The following PACRG variants were observed in gnomAD, a reference collection of about 807,000 sequenced individuals.
PACRG encodes the protein parkin coregulated, also known as parkin coregulated gene protein.
PACRG carries 29 observed loss-of-function variants against 29.7 expected under a neutral mutation model. That is an observed-to-expected ratio of 0.98 (90% CI 0.73 to 1.33). The LOEUF is 1.33. PACRG is among the 40% of genes most tolerant of loss of function. The pLI, the probability that PACRG is intolerant of heterozygous loss-of-function variation, is 0.00. For synonymous variants in PACRG, 116 were observed against 118.7 expected (o/e 0.98, Z 0.15); for missense variants, 279 against 316.2 (o/e 0.88, Z 0.89).
At chr6:163,160,505 C>A (rs1320207459) in intron 4 of PACRG, among the ~76,000 whole-genome samples, 5 of 152,136 alleles carry the variant, frequency 3.3e-5, no homozygotes, top group Non-Finnish European at 7.3e-5. Context: ...TCTAGGTGAA[C>A]AATTACTTTC....
chr6:162,966,525 G>A (rs1801037433), intron 2 of PACRG, among the ~76,000 whole-genome samples: 1 of 149,850 alleles, frequency 6.7e-6, no homozygotes, highest in South Asian at 2.1e-4. Flanking sequence ...TGCCCAGGCT[G>A]GAGTGCAGTG....
intron 2 of PACRG, among the ~76,000 whole-genome samples, chr6:162,819,488 C>T (rs1051463926): frequency 3.9e-5 from 6 of 152,108 alleles, no homozygotes; most frequent in Non-Finnish European, 4.4e-5. Context: ...ACTATAAAGT[C>T]AGCAAAAATA....
At chr6:162,965,828 CTCT>C (rs1010711361) in intron 2 of PACRG, among the ~76,000 whole-genome samples, 6 of 152,186 alleles carry the variant, frequency 3.9e-5, no homozygotes, top group Non-Finnish European at 5.9e-5. Context: ...ACCCACTGAC[CTCT>C]TCTTCTCATT....
At chr6:163,144,184 GCACCA>G (rs1777684462) in intron 4 of PACRG, among the ~76,000 whole-genome samples, 1 of 136,778 alleles carries the variant, frequency 7.3e-6, no homozygotes, top group East Asian at 2.3e-4. Context: ...AACCGAGATC[GCACCA>G]CTGCACTTCA....
At chr6:162,747,368 A>G (rs1218834910) in intron 1 of PACRG, among the ~76,000 whole-genome samples, 514 of 42,146 alleles carry the variant, frequency 0.012, 79 homozygotes, top group African/African-American at 0.071. Context: ...ATATATACAC[A>G]TACATATATA....
chr6:163,254,505 G>A (rs983020548), intron 4 of PACRG, among the ~76,000 whole-genome samples: 1 of 152,232 alleles, frequency 6.6e-6, no homozygotes. Flanking sequence ...ACCAGGACCT[G>A]AGCCCTCCCG....
At chr6:162,947,406 CAT>C (rs377477632) in intron 2 of PACRG, among the ~76,000 whole-genome samples, 742 of 48,620 alleles carry the variant, frequency 0.015, 15 homozygotes, top group Non-Finnish European at 0.024. Context: ...AATATATAAT[CAT>C]ATATAATCAT....
At chr6:163,228,242 G>C (rs775577859) in intron 4 of PACRG, among the ~76,000 whole-genome samples, 5 of 151,960 alleles carry the variant, frequency 3.3e-5, no homozygotes, top group Non-Finnish European at 7.4e-5. Flanking sequence ...CTTCAAATGA[G>C]AGCAAGTTGA....
rs372506530 is a variant in PACRG at position 162,868,889 on chromosome 6, TAGG to T, written c.291+54613_291+54615del. On this transcript the variant is annotated intron_variant, in intron 2 of 4. Transcript: ENST00000366888. ...AACCAAATTCCTTTTAGACCTGTTC[TAGG>T]AGGACTACGTTAACCTGATAGCTGC... Among the ~76,000 whole-genome samples, 340 of 152,278 alleles carry T rather than the reference TAGG, an allele frequency of 2.2e-3. 3 individuals carry two copies. The highest frequency in any genetic ancestry group is 7.5e-3 in the African/African-American group (312 of 41,512).
At chr6:163,184,357 G>A (rs1364320245) in intron 4 of PACRG, among the ~76,000 whole-genome samples, 1 of 152,134 alleles carries the variant, frequency 6.6e-6, no homozygotes, top group Non-Finnish European at 1.5e-5. Context: ...ATTAAAGACA[G>A]TGCATCTCTT....
intron 3 of PACRG, among the ~76,000 whole-genome samples, chr6:163,077,474 A>C (rs1478923242): frequency 6.6e-6 from 1 of 152,216 alleles, no homozygotes; most frequent in East Asian, 1.9e-4. Context: ...TATTCTGTTA[A>C]GGAAAACCTA....
At chr6:163,039,751 A>G (rs769644129) in intron 2 of PACRG, among the ~76,000 whole-genome samples, 2 of 152,342 alleles carry the variant, frequency 1.3e-5, no homozygotes, top group African/African-American at 4.8e-5. Flanking sequence ...CTAAGCAGCA[A>G]AGCATTCAAG....
chr6:163,290,900 T>G (rs1043242192), intron 4 of PACRG, among the ~76,000 whole-genome samples: 1 of 152,050 alleles, frequency 6.6e-6, no homozygotes, highest in African/African-American at 2.4e-5. Flanking sequence ...GTTGCGTCGG[T>G]GGGGCCTCCT....
At chr6:163,304,015 C>CAAAAAAAAAAAAAAA (rs59861286) in intron 4 of PACRG, among the ~76,000 whole-genome samples, 19 of 76,252 alleles carry the variant, frequency 2.5e-4, no homozygotes, top group African/African-American at 4.8e-4. Flanking sequence ...GACTCCATTT[C>CAAAAAAAAAAAAAAA]AAAAAAAAAA....
At chr6:163,104,014 G>C (rs975544865) in intron 4 of PACRG, among the ~76,000 whole-genome samples, 6 of 152,148 alleles carry the variant, frequency 3.9e-5, no homozygotes, top group Non-Finnish European at 5.9e-5. Context: ...AGGTAATTCT[G>C]ATCAAAAGAT....
At chr6:162,763,276 T>C (rs1165764039) in intron 1 of PACRG, among the ~76,000 whole-genome samples, 1 of 152,184 alleles carries the variant, frequency 6.6e-6, no homozygotes, top group African/African-American at 2.4e-5. Flanking sequence ...TCTCCTGCAC[T>C]TTCTTTAAGA....
At chr6:162,756,435 T>G (rs73601944) in intron 1 of PACRG, among the ~76,000 whole-genome samples, 7,862 of 152,266 alleles carry the variant, frequency 0.052, 688 homozygotes, top group African/African-American at 0.18. Context: ...ACTTAACGTC[T>G]ACTTTGTGTG....
chr6:163,263,163 G>GCCTC (rs59588360), intron 4 of PACRG, among the ~76,000 whole-genome samples: 1 of 149,020 alleles, frequency 6.7e-6, no homozygotes, highest in Non-Finnish European at 1.5e-5. Context: ...GTATCTTACA[G>GCCTC]ACCCCAGGAG....
chr6:163,192,918 G>C (rs1213790586), intron 4 of PACRG, among the ~76,000 whole-genome samples: 8 of 152,048 alleles, frequency 5.3e-5, no homozygotes, highest in Non-Finnish European at 7.3e-5. Context: ...TTCACTCCTT[G>C]GATCTCCATT....
Sources: gnomAD v4.1 joint callset for allele counts (sites outside exome capture counted in the v4.1 genomes callset) on GRCh38, gnomAD v4.1.1 for gene constraint, MANE v1.5 for transcripts, NCBI Gene and HGNC (gene_info 2026-07-23, HGNC 2026-07-21) for gene names.